Variants in POLD3 observed in about 807,000 individuals in gnomAD.
POLD3 encodes the protein DNA polymerase delta 3, accessory subunit, also known as DNA polymerase delta subunit 3.
In POLD3, 19 loss-of-function variants were observed where a neutral mutation model predicts 58.2. The ratio of observed to expected loss-of-function variants is 0.33; its 90% confidence interval spans 0.23 to 0.48. The LOEUF is 0.48. Ranked by LOEUF, POLD3 falls within the 20% of genes least tolerant of loss-of-function variation. POLD3 has a pLI of 0.99. For missense variants in POLD3, 504 were observed against 545.5 expected (o/e 0.92, Z 0.76); for synonymous variants, 172 against 193.5 (o/e 0.89, Z 0.92).
intron 7 of POLD3, among the ~76,000 whole-genome samples, chr11:74,622,517 C>T (rs2032296319): frequency 6.6e-6 from 1 of 152,140 alleles, no homozygotes; most frequent in Admixed American, 6.5e-5. Context: ...AAATTGCTTA[C>T]AAAGTTAATT....
intron 5 of POLD3, among the ~76,000 whole-genome samples, chr11:74,614,566 T>C (rs969018196): frequency 2.6e-5 from 4 of 151,882 alleles, no homozygotes; most frequent in Non-Finnish European, 2.9e-5. Flanking sequence ...AAAAATTAGC[T>C]GGGCACGGTG....
intron 4 of POLD3, among the ~76,000 whole-genome samples, chr11:74,650,253 C>T (rs192541514): frequency 9.9e-5 from 15 of 152,254 alleles, no homozygotes; most frequent in Admixed American, 9.8e-4. Flanking sequence ...CTGTAGACAG[C>T]ACATCAGACT....
Position 74,642,424 on chromosome 11 carries a change from C to T in POLD3, c.*1658C>T. The stretch of plus-strand genomic sequence containing the variant: ...TTTAAACAGTTACTTTTGTCATTGC[C>T]TCTGGTCATTTGTCTAAATAGGAAT... On this transcript the variant is annotated 3_prime_UTR_variant, in exon 12 of 12. Coordinates refer to ENST00000263681, the MANE Select transcript of POLD3 (RefSeq NM_006591.3). 3 of 985,132 alleles carry T rather than the reference C, an allele frequency of 3.0e-6. No homozygotes were observed. Among genetic ancestry groups the T allele is most frequent in the Non-Finnish European group, 3.6e-6 (3 of 829,686 alleles). The allele number at this position is 985,132 out of a possible 1,614,324, so 61.0% of individuals were successfully genotyped here. A position where few individuals can be genotyped will look rare whatever the true frequency, so the allele number is the denominator to read the frequency against.
chr11:74,604,550 C>A, intron 2 of POLD3, 142 bp from the exon 3 acceptor site: 1 of 597,148 alleles, frequency 1.7e-6, no homozygotes, highest in Non-Finnish European at 3.0e-6. Context: ...TTTCAACTGT[C>A]CATAGGCCAA....
At chr11:74,637,163 T>A (rs550558935) in intron 11 of POLD3, among the ~76,000 whole-genome samples, 2 of 152,282 alleles carry the variant, frequency 1.3e-5, no homozygotes, top group South Asian at 4.1e-4. Context: ...GATTTTTTTT[T>A]TTCCTAGTTC....
At chr11:74,652,959 A>G (rs1370960412) in intron 4 of POLD3, 2 of 152,726 alleles carry the variant, frequency 1.3e-5, no homozygotes, top group Non-Finnish European at 2.9e-5. Context: ...GTATAGTTTT[A>G]TAAGCATCTG....
chr11:74,625,970 T>C (rs2032424103), intron 8 of POLD3, among the ~76,000 whole-genome samples: 1 of 152,006 alleles, frequency 6.6e-6, no homozygotes. Context: ...AAAACTTCTT[T>C]GTTTTCTTTT....
At position 74,629,249 on chromosome 11, in the gene POLD3, C is replaced by T. The variant is rs116368997; in HGVS notation, c.932C>T (p.Thr311Ile). The change falls in exon 9 of 12, where the codon ACA (threonine) becomes ATA (isoleucine). Residue 311 changes from threonine to isoleucine, a missense_variant. Coordinates refer to ENST00000263681, the MANE Select transcript of POLD3 (RefSeq NM_006591.3). ...GKRVALSDDE[T>I]KETENMRKKR... ...CGAGTAGCATTATCTGATGATGAGA[C>T]AAAGGAAACTGAAAACATGAGGAAA... 1,578 of 1,605,998 alleles carry T rather than the reference C, an allele frequency of 9.8e-4. 10 individuals are homozygous for T. The African/African-American group carries it at 0.019, about 20-fold the overall frequency.
rs4944052 is a variant in POLD3, at chr11:74,618,570, T to C, written c.426T>C (p.Pro142=). 549,900 of 1,612,318 alleles carry C rather than the reference T, an allele frequency of 0.34. 98,610 individuals are homozygous for C. Among genetic ancestry groups the C allele is most frequent in the African/African-American group, 0.57 (42,721 of 74,886 alleles). ...FSAIQCAAAV[P]RAPAESSSSS... is the part of the protein sequence containing the mutation. ...CTATACAATGTGCAGCTGCCGTCCC[T>C]AGAGCTCCTGCTGAATCCTCTTCGT... is the stretch of plus-strand genomic sequence containing the variant. Residue 142 remains proline (P), a synonymous_variant, in exon 6 of 12, where the codon CCT becomes CCC. Transcript: ENST00000263681.
chr11:74,609,739 T>C (rs899889441), intron 3 of POLD3, among the ~76,000 whole-genome samples: 1 of 152,152 alleles, frequency 6.6e-6, no homozygotes, highest in Non-Finnish European at 1.5e-5. Context: ...CTTTGTTAGA[T>C]AAATGTTTTC....
intron 7 of POLD3, among the ~76,000 whole-genome samples, chr11:74,620,566 C>G (rs1463347529): frequency 6.6e-6 from 1 of 152,080 alleles, no homozygotes; most frequent in Non-Finnish European, 1.5e-5. Flanking sequence ...AATTAGACTT[C>G]CAGTGTGAAT....
At chr11:74,630,677 T>A (rs916446996) in intron 9 of POLD3, among the ~76,000 whole-genome samples, 9 of 152,166 alleles carry the variant, frequency 5.9e-5, no homozygotes, top group African/African-American at 2.2e-4. Context: ...GGAAAATAAT[T>A]AGGAAGTAAA....
rs765396092 is a variant in POLD3, at chr11:74,625,563, G to C, written c.889G>C (p.Glu297Gln). Reference sequence around the variant, plus strand: ...AGAGCCTGTTAAGGTGCTGCAGAAGGAAAAAAAAAGGTAGGAAAATTTTGT... The same window carrying C: ...AGAGCCTGTTAAGGTGCTGCAGAAGCAAAAAAAAAGGTAGGAAAATTTTGT... ...KAEPVKVLQK[E>Q]KKRGKRVALS... Residue 297 changes from glutamate to glutamine, a missense_variant, in exon 8 of 12, where the codon GAA becomes CAA. By Grantham distance (29) the Glu-to-Gln change is conservative. Transcript: ENST00000263681. 1 of 1,575,752 alleles carries C rather than the reference G, an allele frequency of 6.3e-7. No homozygotes were observed. The highest frequency in any genetic ancestry group is 1.9e-5 in the Admixed American group (1 of 52,066).
chr11:74,630,846 C>A (rs979908124), intron 9 of POLD3, among the ~76,000 whole-genome samples: 1 of 152,190 alleles, frequency 6.6e-6, no homozygotes, highest in Non-Finnish European at 1.5e-5. Flanking sequence ...TGGTTGAGCA[C>A]TCATTATATC....
At chr11:74,607,302 GC>G (rs2135129335) in intron 3 of POLD3, among the ~76,000 whole-genome samples, 1 of 147,976 alleles carries the variant, frequency 6.8e-6, no homozygotes, top group South Asian at 2.1e-4. Context: ...TTGCTCTGTC[GC>G]CCAGGCTGGA....
intron 9 of POLD3, among the ~76,000 whole-genome samples, chr11:74,632,877 T>TACACACACAC (rs71036003): frequency 0.035 from 4,027 of 115,578 alleles, 220 homozygotes; most frequent in African/African-American, 0.052. Context: ...TTTAAGTAAA[T>TACACACACAC]ACACACACAC....
At chr11:74,660,079 A>G (rs2033186292) in intron 4 of POLD3, among the ~76,000 whole-genome samples, 1 of 152,198 alleles carries the variant, frequency 6.6e-6, no homozygotes, top group Non-Finnish European at 1.5e-5. Flanking sequence ...CCTCAGAATC[A>G]TGGTAGGAGG....
intron 9 of POLD3, among the ~76,000 whole-genome samples, chr11:74,633,696 T>C (rs912662889): frequency 4.6e-5 from 7 of 152,184 alleles, no homozygotes; most frequent in African/African-American, 1.7e-4. Flanking sequence ...AATTCTGCAA[T>C]TGTTGAGAAA....
intron 4 of POLD3, among the ~76,000 whole-genome samples, chr11:74,660,484 C>A (rs2033191898): frequency 1.3e-5 from 2 of 151,944 alleles, no homozygotes; most frequent in African/African-American, 4.8e-5. Context: ...GTAGGCATGC[C>A]TCATTCTTTA....
Sources: gnomAD v4.1 joint callset for allele counts (sites outside exome capture counted in the v4.1 genomes callset) on GRCh38, gnomAD v4.1.1 for gene constraint, MANE v1.5 for transcripts, NCBI Gene and HGNC (gene_info 2026-07-23, HGNC 2026-07-21) for gene names.